Variants in ZNF91 observed in about 807,000 individuals in gnomAD.
The protein encoded by ZNF91 is zinc finger protein 91.
ZNF91 carries 7 observed loss-of-function variants against 12.6 expected under a neutral mutation model. The observed-to-expected ratio is 0.55, with a 90% confidence interval of 0.31 to 1.04. The LOEUF is 1.04. ZNF91 is among the 50% of genes least tolerant of loss of function. The probability of loss-of-function intolerance (pLI) is 0.05; values close to 1 mark genes in which losing one functional copy is unlikely to be tolerated. For missense variants in ZNF91, 1,217 were observed against 1,385.4 expected (o/e 0.88, Z 1.93); for synonymous variants, 453 against 462.6 (o/e 0.98, Z 0.27).
chr19:23,336,212 A>C (rs928703004), downstream of ZNF91, among the ~76,000 whole-genome samples: 5 of 152,364 alleles, frequency 3.3e-5, no homozygotes, highest in African/African-American at 9.6e-5. Flanking sequence ...TCATCATCTC[A>C]TACCAAGGAA....
chr19:23,328,081 T>A (rs181394804), intron 1 of ZNF91: 1 of 152,276 alleles, frequency 6.6e-6, no homozygotes, highest in Non-Finnish European at 1.5e-5. Context: ...CAGATCTGTA[T>A]TTAGTCCATA....
chr19:23,311,447 T>C (rs1967470370), upstream of ZNF91, among the ~76,000 whole-genome samples: 1 of 152,206 alleles, frequency 6.6e-6, no homozygotes, highest in Non-Finnish European at 1.5e-5. Context: ...TCTCCTCTTC[T>C]GCCGGTCTTG....
intron 1 of ZNF91, among the ~76,000 whole-genome samples, chr19:23,387,007 G>A (rs900916142): frequency 1.3e-5 from 2 of 152,092 alleles, no homozygotes; most frequent in African/African-American, 4.8e-5. Context: ...TGAAAAAGAT[G>A]CTTTTCGAAA....
intron 1 of ZNF91, among the ~76,000 whole-genome samples, chr19:23,390,575 C>T (rs979182498): frequency 3.3e-4 from 50 of 152,270 alleles, no homozygotes; most frequent in Middle Eastern, 3.4e-3. Flanking sequence ...CCAGGCTGGT[C>T]TTGAACTCCT....
chr19:23,376,712 G>A (rs1969516901), intron 1 of ZNF91, among the ~76,000 whole-genome samples: 1 of 152,014 alleles, frequency 6.6e-6, no homozygotes, highest in Admixed American at 6.6e-5. Flanking sequence ...TTTAAAAGTA[G>A]TTAAGACAAA....
At chr19:23,346,237 C>T (rs1234192730) in intron 3 of ZNF91, among the ~76,000 whole-genome samples, 1 of 152,150 alleles carries the variant, frequency 6.6e-6, no homozygotes, top group African/African-American at 2.4e-5. Flanking sequence ...ATGACCTCTA[C>T]ATTATCCTCT....
At chr19:23,387,800 C>T (rs1305897987) in intron 1 of ZNF91, among the ~76,000 whole-genome samples, 1 of 151,866 alleles carries the variant, frequency 6.6e-6, no homozygotes, top group Non-Finnish European at 1.5e-5. Flanking sequence ...ATTAGTCGGG[C>T]ATGGTGGTGG....
At chr19:23,373,257 T>C (rs1296274816) in intron 3 of ZNF91, among the ~76,000 whole-genome samples, 2 of 151,152 alleles carry the variant, frequency 1.3e-5, no homozygotes, top group Non-Finnish European at 2.9e-5. Flanking sequence ...TCAAAGTATG[T>C]GGAAGACAAA....
chr19:23,354,092 T>C (rs1449974390), downstream of ZNF91, among the ~76,000 whole-genome samples: 2 of 152,186 alleles, frequency 1.3e-5, no homozygotes, highest in Non-Finnish European at 2.9e-5. Flanking sequence ...ATTCATTCTA[T>C]GAGGTCAGCA....
In ZNF91 at chr19:23,376,626, T is replaced by G. The variant is rs533005831; in HGVS notation, c.31-1862A>C. 3.9e-5 allele frequency among the ~76,000 whole-genome samples: 6 copies of G among 152,232 alleles called. No individual in the cohort carries two copies. In the South Asian group the frequency reaches 1.2e-3, roughly 32 times the overall value. ...CTGGTCTCAAACTGCCAACCTCAGG[T>G]GATCTGCCCGCCTCGGCCTCCCAAA... is the stretch of plus-strand genomic sequence containing the variant. On this transcript the variant is annotated intron_variant, in intron 1 of 3. Transcript: ENST00000300619.
chr19:23,333,684 T>C (rs1967960619), intron 1 of ZNF91, among the ~76,000 whole-genome samples: 1 of 152,232 alleles, frequency 6.6e-6, no homozygotes. Context: ...ATAAGGACTA[T>C]TTTGAAACTA....
At chr19:23,354,031 C>T (rs373212294), downstream of ZNF91, among the ~76,000 whole-genome samples, 1 of 152,068 alleles carries the variant, frequency 6.6e-6, no homozygotes. Flanking sequence ...GAATTACTAC[C>T]AATTCTTTTG....
intron 2 of ZNF91, chr19:23,308,498 C>T (rs568513291): frequency 6.6e-6 from 1 of 152,208 alleles, no homozygotes; most frequent in East Asian, 1.9e-4. Flanking sequence ...TGGGCCATGT[C>T]CACAGAAATG....
intron 1 of ZNF91, chr19:23,384,888 GCT>G (rs1167005078): frequency 3.9e-6 from 3 of 760,486 alleles, no homozygotes; most frequent in South Asian, 1.4e-5. Flanking sequence ...CTCTCATGTT[GCT>G]CTTATTGTCA....
At chr19:23,356,039 A>T (rs1281003788), downstream of ZNF91, among the ~76,000 whole-genome samples, 1 of 152,228 alleles carries the variant, frequency 6.6e-6, no homozygotes, top group African/African-American at 2.4e-5. Context: ...ACACATCTAT[A>T]CTGCTGGTGA....
intron 1 of ZNF91, 105 bp from the exon 2 acceptor site, chr19:23,374,869 A>T (rs146897844): frequency 2.6e-6 from 4 of 1,523,770 alleles, no homozygotes; most frequent in East Asian, 2.3e-5. Context: ...GTTCTGACTT[A>T]TAAGAGTGGC....
At chr19:23,389,937 T>C (rs1970005213) in intron 1 of ZNF91, among the ~76,000 whole-genome samples, 1 of 152,190 alleles carries the variant, frequency 6.6e-6, no homozygotes, top group Non-Finnish European at 1.5e-5. Context: ...GGGACTCCCA[T>C]AATGTTACTG....
At position 23,360,185 on chromosome 19, in the gene ZNF91, G is replaced by T; in HGVS notation, c.2794C>A (p.His932Asn). The change falls in exon 4 of 4, where the codon CAC becomes AAC. Residue 932 changes from histidine to asparagine, a missense_variant. Physicochemically the swap from His to Asn is moderately conservative, Grantham distance 68. Transcript: ENST00000300619. ...PSHLTTHKRM[H>N]TGEKPYKCEE... ...CATTTGTAGGGTTTCTCTCCAGTGT[G>T]CATCCTCTTATGTGTAGTAAGGTGT... The T allele has an allele frequency of 2.5e-6, 4 of 1,613,884 alleles. No homozygotes were observed. The highest frequency in any genetic ancestry group is 3.4e-6 in the Non-Finnish European group (4 of 1,180,008).
chr19:23,374,922 G>C (rs1369138205), intron 1 of ZNF91, among the ~76,000 whole-genome samples, 158 bp from the exon 2 acceptor site: 1 of 152,178 alleles, frequency 6.6e-6, no homozygotes, highest in Non-Finnish European at 1.5e-5. Flanking sequence ...CAAACGTTTT[G>C]TAATGTATTC....
Sources: gnomAD v4.1 joint callset for allele counts (sites outside exome capture counted in the v4.1 genomes callset) on GRCh38, gnomAD v4.1.1 for gene constraint, MANE v1.5 for transcripts, NCBI Gene and HGNC (gene_info 2026-07-23, HGNC 2026-07-21) for gene names.